The following KMT2C variants were observed in gnomAD, a reference collection of about 807,000 sequenced individuals.
KMT2C encodes the protein histone-lysine N-methyltransferase 2C.
A neutral mutation model predicts 507.9 loss-of-function variants in KMT2C; 88 were observed. The observed-to-expected ratio is 0.17, with a 90% CI of 0.15 to 0.21. The LOEUF (loss-of-function observed/expected upper bound fraction) is 0.21, where lower values mean the gene tolerates loss of function less well. KMT2C is among the 10% of genes least tolerant of loss of function. The pLI is 1.00. For synonymous variants in KMT2C, 2,049 were observed against 2,080.8 expected (o/e 0.98, Z 0.42); for missense variants, 4,954 against 5,957.8 (o/e 0.83, Z 5.55).
chr7:152,292,314 G>A (rs147291863), intron 6 of KMT2C, among the ~76,000 whole-genome samples: 1 of 152,210 alleles, frequency 6.6e-6, no homozygotes, highest in East Asian at 1.9e-4. Context: ...AGATGCCAGG[G>A]CAATATGTGT....
intron 3 of KMT2C, among the ~76,000 whole-genome samples, chr7:152,316,519 C>CTT (rs1213471200): frequency 6.6e-6 from 1 of 152,162 alleles, no homozygotes; most frequent in Admixed American, 6.5e-5. Flanking sequence ...ACTGCTTCCT[C>CTT]TTGATTATAT....
chr7:152,318,855 T>C (rs1453014275), intron 3 of KMT2C, among the ~76,000 whole-genome samples: 2 of 152,022 alleles, frequency 1.3e-5, no homozygotes, highest in Non-Finnish European at 2.9e-5. Flanking sequence ...ACTAACAAAA[T>C]GATGAATAGT....
At chr7:152,248,659 C>T (rs772306760) in intron 13 of KMT2C, 39 bp from the exon 14 acceptor site, 18 of 1,361,618 alleles carry the variant, frequency 1.3e-5, no homozygotes, top group Non-Finnish European at 1.8e-5. Flanking sequence ...AATGTACAAA[C>T]AAATTTTAAA....
At chr7:152,186,205 CA>C (rs2093623138) in intron 33 of KMT2C, among the ~76,000 whole-genome samples, 1 of 152,034 alleles carries the variant, frequency 6.6e-6, no homozygotes, top group Non-Finnish European at 1.5e-5. Context: ...AGCAAGCTTC[CA>C]AAAAGCCAAT....
intron 56 of KMT2C, 68 bp from the exon 57 acceptor site, chr7:152,139,327 A>C: frequency 7.0e-7 from 1 of 1,421,122 alleles, no homozygotes; most frequent in Admixed American, 1.7e-5. Context: ...TCCTATCCAC[A>C]CCAGGAGGAC....
chr7:152,365,651 G>A (rs2097237004), intron 1 of KMT2C, among the ~76,000 whole-genome samples: 1 of 152,188 alleles, frequency 6.6e-6, no homozygotes, highest in African/African-American at 2.4e-5. Context: ...TTCCCATAGG[G>A]CTGGGATTAC....
At chr7:152,309,288 A>G (rs1194954754) in intron 6 of KMT2C, among the ~76,000 whole-genome samples, 1 of 151,300 alleles carries the variant, frequency 6.6e-6, no homozygotes, top group Non-Finnish European at 1.5e-5. Flanking sequence ...GTAACATACT[A>G]CATTCCAATG....
At chr7:152,369,166 T>C (rs962685926) in intron 1 of KMT2C, among the ~76,000 whole-genome samples, 3 of 151,870 alleles carry the variant, frequency 2.0e-5, no homozygotes, top group Non-Finnish European at 4.4e-5. Flanking sequence ...CCACTAAAAA[T>C]ACAAAAGTTG....
intron 1 of KMT2C, among the ~76,000 whole-genome samples, chr7:152,392,211 A>C (rs1297137283): frequency 2.0e-5 from 3 of 152,086 alleles, no homozygotes; most frequent in Non-Finnish European, 4.4e-5. Flanking sequence ...CCTACCCCCC[A>C]CAACCCTACC....
chr7:152,158,653 T>G (rs527248632), intron 44 of KMT2C, among the ~76,000 whole-genome samples: 2 of 152,180 alleles, frequency 1.3e-5, no homozygotes, highest in African/African-American at 4.8e-5. Flanking sequence ...GTAGCTGGAA[T>G]TACAGGCGTG....
At chr7:152,253,585 T>C (rs918087459) in intron 9 of KMT2C, among the ~76,000 whole-genome samples, 5 of 149,478 alleles carry the variant, frequency 3.3e-5, no homozygotes, top group Non-Finnish European at 7.4e-5. Context: ...TCCCTGCTAC[T>C]TGGGAAGCTG....
intron 39 of KMT2C, among the ~76,000 whole-genome samples, chr7:152,173,479 T>TA (rs1375020432): frequency 1.3e-5 from 2 of 152,130 alleles, no homozygotes; most frequent in East Asian, 3.8e-4. Context: ...ATCTGCATTT[T>TA]AAAAAAATTA....
chr7:152,152,853 C>G lies in KMT2C; in HGVS notation c.12378G>C (p.Leu4126Phe). ...SSAPDVPSMG[L>F]VSSHRINPGL... ...CCGGGTTGATTCTGTGGCTACTGACCAAACCCATGGATGGGACATCTGGAG... is the reference window on the plus strand; with the variant it reads ...CCGGGTTGATTCTGTGGCTACTGACGAAACCCATGGATGGGACATCTGGAG... The change falls in exon 49 of 59, where the codon TTG becomes TTC. Residue 4126 changes from leucine (L) to phenylalanine (F), a missense_variant. Transcript: ENST00000262189. 2 of 1,614,130 alleles carry G rather than the reference C, an allele frequency of 1.2e-6. No individual in the cohort carries two copies. The highest frequency in any genetic ancestry group is 1.7e-6 in the Non-Finnish European group (2 of 1,180,020).
intron 6 of KMT2C, among the ~76,000 whole-genome samples, chr7:152,303,974 G>GAGAGACTA (rs2096593916): frequency 6.6e-6 from 1 of 152,056 alleles, no homozygotes; most frequent in East Asian, 1.9e-4. Context: ...AGGAGACAGA[G>GAGAGACTA]AGAGACTATG....
In KMT2C at chr7:152,383,373, T is replaced by C. The variant is rs558864075; in HGVS notation, c.162-24698A>G. Among the ~76,000 whole-genome samples, 11 of 152,324 alleles carry C rather than the reference T, an allele frequency of 7.2e-5. No individual in the cohort carries two copies. In the South Asian group the frequency reaches 2.3e-3, roughly 32 times the overall value. Reference sequence around the variant, plus strand: ...TGTGGGAAAAGCATTTTTAGTAGAATGCTTGCACATCTTCCTACATTCCTG... The same window carrying C: ...TGTGGGAAAAGCATTTTTAGTAGAACGCTTGCACATCTTCCTACATTCCTG... On this transcript the variant is annotated intron_variant, in intron 1 of 58. Coordinates refer to ENST00000262189, the MANE Select transcript of KMT2C (RefSeq NM_170606.3).
At chr7:152,435,256 G>A (rs1252501733) in intron 1 of KMT2C, among the ~76,000 whole-genome samples, 1 of 152,050 alleles carries the variant, frequency 6.6e-6, no homozygotes, top group Non-Finnish European at 1.5e-5. Context: ...TCCGTCCGGG[G>A]ACTACCTGGG....
chr7:152,186,698 C>T (rs775035671), intron 33 of KMT2C, among the ~76,000 whole-genome samples: 7 of 152,148 alleles, frequency 4.6e-5, no homozygotes, highest in Non-Finnish European at 1.0e-4. Flanking sequence ...ATACCATGAA[C>T]TCAAAATAAT....
At chr7:152,389,321 T>TGCA (rs1379948278) in intron 1 of KMT2C, among the ~76,000 whole-genome samples, 2 of 137,120 alleles carry the variant, frequency 1.5e-5, no homozygotes, top group African/African-American at 2.9e-5. Flanking sequence ...GCAGAGATCG[T>TGCA]GCAGCCTGGT....
At chr7:152,150,839 G>A in intron 51 of KMT2C, 61 bp downstream of exon 51, 4 of 1,154,202 alleles carry the variant, frequency 3.5e-6, no homozygotes, top group Non-Finnish European at 5.2e-6. Context: ...ACTCCCATAT[G>A]CCCAGAACAC....
Sources: allele counts gnomAD v4.1 joint callset (sites outside exome capture counted in the v4.1 genomes callset), GRCh38; gene constraint gnomAD v4.1.1; transcripts MANE v1.5; gene names NCBI Gene and HGNC (gene_info 2026-07-23, HGNC 2026-07-21).